Variants in GLCCI1 observed in about 807,000 individuals in gnomAD.
GLCCI1 encodes glucocorticoid induced 1.
GLCCI1 carries 24 observed loss-of-function variants against 52.2 expected under a neutral mutation model. That is an observed-to-expected ratio of 0.46 (90% CI 0.33 to 0.65). GLCCI1 has a LOEUF of 0.65. Among genes scored for constraint, GLCCI1 ranks in the 30% least tolerant of loss-of-function variants. GLCCI1 has a pLI of 0.02. For missense variants in GLCCI1, 704 were observed against 701.5 expected (o/e 1.00, Z -0.04); for synonymous variants, 310 against 276.5 (o/e 1.12, Z -1.20).
intron 2 of GLCCI1, among the ~76,000 whole-genome samples, chr7:8,015,277 C>A (rs1370755623): frequency 1.3e-5 from 2 of 152,198 alleles, no homozygotes; most frequent in Non-Finnish European, 2.9e-5. Context: ...TAAAAAATAA[C>A]TTTCAGTTTT....
At chr7:8,079,146 G>T (rs1438148504) in intron 6 of GLCCI1, among the ~76,000 whole-genome samples, 1 of 151,902 alleles carries the variant, frequency 6.6e-6, no homozygotes, top group Non-Finnish European at 1.5e-5. Flanking sequence ...TGTTTTTAAA[G>T]ATAAAAGGTA....
chr7:8,060,311 A>G, intron 5 of GLCCI1, 63 bp downstream of exon 5: 2 of 1,300,504 alleles, frequency 1.5e-6, no homozygotes, highest in Non-Finnish European at 1.1e-6. Context: ...TCTGAAAAGT[A>G]CTTTCTTGGT....
rs1306188165 is a variant in GLCCI1 at position 8,055,835 on chromosome 7, C to CA, written c.813+294dup. The stretch of plus-strand genomic sequence containing the variant: ...AAACCGTGTCTCTACTGAAAAAACA[C>CA]AAAAAAAATTAGCCGGGCGTCGTGC... On this transcript the variant is annotated intron_variant, in intron 4 of 7. Coordinates refer to ENST00000223145, the MANE Select transcript of GLCCI1 (RefSeq NM_138426.4). 37 of 189,880 alleles carry CA rather than the reference C, an allele frequency of 1.9e-4. No homozygotes were observed. In the East Asian group the frequency reaches 2.4e-3, roughly 13 times the overall value. 11.8% of individuals were successfully genotyped at this position (189,880 alleles called of 1,614,324 possible). A position where few individuals can be genotyped will look rare whatever the true frequency, so the allele number is the denominator to read the frequency against.
intron 1 of GLCCI1, among the ~76,000 whole-genome samples, chr7:7,976,162 TCACCA>T: frequency 6.6e-6 from 1 of 151,988 alleles, no homozygotes; most frequent in South Asian, 2.1e-4. Flanking sequence ...TAATGATGGC[TCACCA>T]AAAAGAATGA....
At chr7:8,074,653 C>G (rs1782835770) in intron 6 of GLCCI1, among the ~76,000 whole-genome samples, 1 of 152,112 alleles carries the variant, frequency 6.6e-6, no homozygotes, top group Admixed American at 6.6e-5. Flanking sequence ...TCACTGCATT[C>G]CAGCCTGGGC....
intron 5 of GLCCI1, among the ~76,000 whole-genome samples, chr7:8,062,128 A>G (rs1782531395): frequency 1.3e-5 from 2 of 152,202 alleles, no homozygotes; most frequent in African/African-American, 4.8e-5. Context: ...AAAACTTGGT[A>G]AGGTACCTCT....
intron 1 of GLCCI1, among the ~76,000 whole-genome samples, chr7:7,973,977 G>A (rs1780410468): frequency 6.6e-6 from 1 of 151,928 alleles, no homozygotes; most frequent in African/African-American, 2.4e-5. Flanking sequence ...GGCTATTCTT[G>A]AAAATTAAGA....
At chr7:8,024,145 T>G (rs1481680655) in intron 3 of GLCCI1, among the ~76,000 whole-genome samples, 2 of 152,156 alleles carry the variant, frequency 1.3e-5, no homozygotes, top group Non-Finnish European at 2.9e-5. Context: ...TATACCAGTT[T>G]CCAGGCCTCT....
chr7:8,053,870 T>G (rs973232327), intron 3 of GLCCI1, among the ~76,000 whole-genome samples: 3 of 152,148 alleles, frequency 2.0e-5, no homozygotes, highest in Non-Finnish European at 4.4e-5. Context: ...AGCTATAGGA[T>G]TATATTATTT....
At chr7:7,974,313 A>G (rs1013407880) in intron 1 of GLCCI1, among the ~76,000 whole-genome samples, 6 of 152,164 alleles carry the variant, frequency 3.9e-5, no homozygotes, top group Non-Finnish European at 8.8e-5. Context: ...CTCTCAAATA[A>G]CTGTTATTGT....
chr7:8,051,816 CTT>C (rs980782459), intron 3 of GLCCI1, among the ~76,000 whole-genome samples: 23 of 152,178 alleles, frequency 1.5e-4, no homozygotes, highest in African/African-American at 5.5e-4. Context: ...TACTATTAGA[CTT>C]TTTCTTACTG....
intron 3 of GLCCI1, among the ~76,000 whole-genome samples, chr7:8,040,195 ACCAC>A (rs1416597718): frequency 6.6e-6 from 1 of 152,096 alleles, no homozygotes; most frequent in African/African-American, 2.4e-5. Flanking sequence ...GAAAATTAAA[ACCAC>A]AATGAGGGAG....
chr7:8,017,088 A>C (rs1437572177), intron 2 of GLCCI1, among the ~76,000 whole-genome samples: 1 of 152,176 alleles, frequency 6.6e-6, no homozygotes, highest in East Asian at 1.9e-4. Flanking sequence ...GGTACTTCAA[A>C]TCTATAGGTT....
At chr7:8,016,498 C>G (rs2127946793) in intron 2 of GLCCI1, among the ~76,000 whole-genome samples, 1 of 151,962 alleles carries the variant, frequency 6.6e-6, no homozygotes, top group Admixed American at 6.6e-5. Flanking sequence ...CAATTAAGAT[C>G]ATAGAGTTAT....
intron 5 of GLCCI1, chr7:8,070,659 T>A (rs940410669): frequency 6.4e-5 from 20 of 313,326 alleles, no homozygotes; most frequent in Admixed American, 1.5e-4. Context: ...CTTGAAGAGT[T>A]TTGTGGGATG....
chr7:7,994,253 CAAAT>C (rs1319085155), intron 1 of GLCCI1, among the ~76,000 whole-genome samples: 6 of 151,818 alleles, frequency 4.0e-5, no homozygotes, highest in Non-Finnish European at 8.8e-5. Flanking sequence ...GACTCTGTCT[CAAAT>C]AAATAAATAA....
chr7:8,025,510 A>G (rs1204377535), intron 3 of GLCCI1, among the ~76,000 whole-genome samples: 2 of 152,220 alleles, frequency 1.3e-5, no homozygotes, highest in East Asian at 1.9e-4. Flanking sequence ...AGATAAGTCA[A>G]TAGAATTTAT....
At chr7:8,002,271 T>G (rs981283912) in intron 1 of GLCCI1, among the ~76,000 whole-genome samples, 1 of 121,258 alleles carries the variant, frequency 8.2e-6, no homozygotes, top group Admixed American at 7.9e-5. Context: ...TCCTATATTC[T>G]ATAATTTAAT....
At chr7:8,080,411 G>A (rs904125581) in intron 6 of GLCCI1, among the ~76,000 whole-genome samples, 1 of 151,454 alleles carries the variant, frequency 6.6e-6, no homozygotes, top group Admixed American at 6.6e-5. Context: ...ACTGCTTATT[G>A]CTGCATATAC....
Sources: gnomAD v4.1 joint callset for allele counts (sites outside exome capture counted in the v4.1 genomes callset) on GRCh38, gnomAD v4.1.1 for gene constraint, MANE v1.5 for transcripts, NCBI Gene and HGNC (gene_info 2026-07-23, HGNC 2026-07-21) for gene names.